The following BNC2 variants were observed in gnomAD, a reference collection of about 807,000 sequenced individuals.
BNC2 encodes zinc finger protein basonuclin-2.
BNC2 carries 20 observed loss-of-function variants against 76.3 expected under a neutral mutation model. The observed-to-expected ratio is 0.26, with a 90% CI of 0.18 to 0.38. The LOEUF is 0.38. Ranked by LOEUF, BNC2 falls within the 10% of genes least tolerant of loss-of-function variation. The pLI is 1.00. For synonymous variants in BNC2, 582 were observed against 514.8 expected, an observed-to-expected ratio of 1.13 and a Z score of -1.77; for missense variants, 1,382 against 1,399.8, an observed-to-expected ratio of 0.99 and a Z score of 0.20.
chr9:16,594,123 T>C (rs1820004068), intron 3 of BNC2, among the ~76,000 whole-genome samples: 1 of 152,150 alleles, frequency 6.6e-6, no homozygotes, highest in Non-Finnish European at 1.5e-5. Context: ...AAAAGACTTA[T>C]AAACCTTTAA....
chr9:16,685,455 T>C (rs1822946645), intron 3 of BNC2: 2 of 726,974 alleles, frequency 2.8e-6, no homozygotes, highest in Non-Finnish European at 4.3e-6. Context: ...GGTTGTCTTT[T>C]CCTGATGACG....
chr9:16,493,559 C>T (rs1788526081), intron 5 of BNC2, among the ~76,000 whole-genome samples: 2 of 152,148 alleles, frequency 1.3e-5, no homozygotes, highest in Non-Finnish European at 2.9e-5. Context: ...GCCTCTGTCC[C>T]TCCTTTCTCC....
At chr9:16,691,358 T>A (rs1823156386) in intron 3 of BNC2, among the ~76,000 whole-genome samples, 1 of 152,214 alleles carries the variant, frequency 6.6e-6, no homozygotes, top group African/African-American at 2.4e-5. Flanking sequence ...GTTCTCTCAA[T>A]GACTTCGCTA....
chr9:16,816,664 A>C (rs1289891731), intron 1 of BNC2, among the ~76,000 whole-genome samples: 1 of 152,236 alleles, frequency 6.6e-6, no homozygotes, highest in East Asian at 1.9e-4. Context: ...CTTGTTAAAA[A>C]ATTAATCTCA....
intron 1 of BNC2, among the ~76,000 whole-genome samples, chr9:16,831,706 C>T (rs1040301839): frequency 2.1e-4 from 32 of 152,116 alleles, no homozygotes; most frequent in African/African-American, 7.2e-4. Flanking sequence ...TGGTTGAACT[C>T]GACACACTTC....
chr9:16,549,647 T>G (rs1721456531), intron 5 of BNC2, among the ~76,000 whole-genome samples: 1 of 152,226 alleles, frequency 6.6e-6, no homozygotes, highest in South Asian at 2.1e-4. Flanking sequence ...TCAAGTAACA[T>G]TACTTTAGAA....
intron 5 of BNC2, among the ~76,000 whole-genome samples, chr9:16,543,254 C>T (rs984978431): frequency 3.3e-5 from 5 of 152,098 alleles, no homozygotes; most frequent in African/African-American, 1.2e-4. Flanking sequence ...TAAGAAGGCA[C>T]CATCAAGAAA....
Position 16,464,530 on chromosome 9 carries a change from G to C in BNC2, c.670-27006C>G, listed in dbSNP as rs1007674643. Among the ~76,000 whole-genome samples the C allele has an allele frequency of 5.3e-5, 8 of 151,964 alleles. No individual in the cohort carries two copies. The East Asian group carries it at 5.8e-4, about 11-fold the overall frequency. On this transcript the variant is annotated intron_variant, in intron 5 of 6. Transcript: ENST00000380672. ...AAGACAAAGAACAAAGACAGGGAGG[G>C]GCATCTCTTTGCAGACTGATAAGAT...
intron 3 of BNC2, among the ~76,000 whole-genome samples, chr9:16,660,291 C>T (rs879784827): frequency 1.3e-5 from 2 of 152,068 alleles, no homozygotes; most frequent in Non-Finnish European, 2.9e-5. Context: ...TCTGTCTCTA[C>T]TAAAAATACA....
At chr9:16,809,618 T>A (rs541939640) in intron 1 of BNC2, among the ~76,000 whole-genome samples, 3 of 152,090 alleles carry the variant, frequency 2.0e-5, no homozygotes, top group Non-Finnish European at 4.4e-5. Flanking sequence ...TGCGTTGTAA[T>A]GTACTGAGTA....
intron 3 of BNC2, among the ~76,000 whole-genome samples, chr9:16,634,502 C>CTTT (rs544660364): frequency 0.015 from 1,993 of 135,946 alleles, 69 homozygotes; most frequent in African/African-American, 0.048. Flanking sequence ...CTTCAAATAT[C>CTTT]TTTTTTTTTT....
intron 3 of BNC2, among the ~76,000 whole-genome samples, chr9:16,656,867 G>C (rs953682227): frequency 6.6e-6 from 1 of 152,148 alleles, no homozygotes; most frequent in African/African-American, 2.4e-5. Flanking sequence ...GAGGCACTGG[G>C]GATGCAGAAT....
At chr9:16,657,406 G>A (rs759453784) in intron 3 of BNC2, among the ~76,000 whole-genome samples, 2 of 152,180 alleles carry the variant, frequency 1.3e-5, no homozygotes, top group African/African-American at 2.4e-5. Flanking sequence ...AAACAGAAAC[G>A]CTTCTACAAT....
intron 3 of BNC2, among the ~76,000 whole-genome samples, chr9:16,613,938 A>C (rs549618136): frequency 7.2e-5 from 11 of 152,356 alleles, no homozygotes; most frequent in Middle Eastern, 3.4e-3. Flanking sequence ...GAAAGGTAAC[A>C]GTCACAAGAG....
chr9:16,441,937 G>T (rs1378245202), intron 5 of BNC2, among the ~76,000 whole-genome samples: 3 of 152,192 alleles, frequency 2.0e-5, no homozygotes, highest in African/African-American at 7.2e-5. Context: ...CTAGGACGAA[G>T]ATCCCAACTA....
intron 1 of BNC2, among the ~76,000 whole-genome samples, chr9:16,861,670 C>T (rs554385593): frequency 6.6e-5 from 10 of 152,208 alleles, no homozygotes; most frequent in Admixed American, 4.6e-4. Flanking sequence ...CTACTTCACA[C>T]CCACTAAGAT....
chr9:16,607,174 C>T (rs1371197516), intron 3 of BNC2, among the ~76,000 whole-genome samples: 1 of 152,102 alleles, frequency 6.6e-6, no homozygotes, highest in East Asian at 1.9e-4. Context: ...AGGCTGATCT[C>T]AAACTCCTGT....
chr9:16,625,215 G>C (rs1820960816), intron 3 of BNC2, among the ~76,000 whole-genome samples: 1 of 152,128 alleles, frequency 6.6e-6, no homozygotes. Context: ...TGCTTTCTTT[G>C]GATAAAATTA....
chr9:16,452,266 A>G (rs1404685705), intron 5 of BNC2, among the ~76,000 whole-genome samples: 5 of 152,164 alleles, frequency 3.3e-5, no homozygotes, highest in African/African-American at 4.8e-5. Flanking sequence ...TATGTGGTAC[A>G]TTTTCTTGAT....
Sources: gnomAD v4.1 joint callset for allele counts (sites outside exome capture counted in the v4.1 genomes callset) on GRCh38, gnomAD v4.1.1 for gene constraint, MANE v1.5 for transcripts, NCBI Gene and HGNC (gene_info 2026-07-23, HGNC 2026-07-21) for gene names.